The following ZNF782 variants were observed in gnomAD, a reference collection of about 807,000 sequenced individuals.
The protein encoded by ZNF782 is zinc finger protein 782.
Under a neutral mutation model 13.0 loss-of-function variants are expected in ZNF782, and 12 were observed. The ratio of observed to expected loss-of-function variants is 0.92; its 90% CI spans 0.59 to 1.50. ZNF782 has a LOEUF of 1.50. Ranked by LOEUF, ZNF782 falls within the 40% of genes most tolerant of loss-of-function variation. The pLI is 0.00. For missense variants in ZNF782, 770 were observed against 822.9 expected (o/e 0.94, Z 0.79); for synonymous variants, 284 against 283.0 (o/e 1.00, Z -0.04).
the ZNF782 span, among the ~76,000 whole-genome samples, chr9:96,925,844 C>A: frequency 6.7e-6 from 1 of 148,846 alleles, no homozygotes; most frequent in African/African-American, 2.5e-5. Flanking sequence ...AGCATGGAGC[C>A]GCCATTCCTC....
At chr9:96,932,581 G>C in the ZNF782 span, among the ~76,000 whole-genome samples, 1 of 152,244 alleles carries the variant, frequency 6.6e-6, no homozygotes, top group Non-Finnish European at 1.5e-5. Context: ...ATCTGGCTGT[G>C]GCTCAGGACA....
upstream of ZNF782, among the ~76,000 whole-genome samples, chr9:96,879,663 C>T (rs1474208984): frequency 1.3e-5 from 2 of 152,094 alleles, no homozygotes; most frequent in Non-Finnish European, 2.9e-5. Flanking sequence ...GTTACCAGAG[C>T]CTGGCAAAAA....
chr9:96,855,570 G>T (rs1200053619), upstream of ZNF782, among the ~76,000 whole-genome samples: 1 of 152,146 alleles, frequency 6.6e-6, no homozygotes, highest in Non-Finnish European at 1.5e-5. Context: ...CATTCAGGTC[G>T]CTGCAAATGC....
At chr9:96,911,645 C>G in the ZNF782 span, among the ~76,000 whole-genome samples, 16 of 150,494 alleles carry the variant, frequency 1.1e-4, no homozygotes, top group African/African-American at 3.6e-4. Flanking sequence ...CTCAGCCTCC[C>G]CAGTAGCTGG....
intron 4 of ZNF782, among the ~76,000 whole-genome samples, chr9:96,829,066 C>T (rs1422372122): frequency 3.5e-5 from 3 of 85,912 alleles, no homozygotes; most frequent in African/African-American, 9.3e-5. Flanking sequence ...TTATACTTGG[C>T]AAAGATAAGA....
rs1043031209 is a variant in ZNF782 at position 96,850,225 on chromosome 9, A to T, written c.15+1722T>A. Among the ~76,000 whole-genome samples, 1 of 152,240 alleles carries T rather than the reference A, an allele frequency of 6.6e-6. No homozygotes were observed. The highest frequency in any genetic ancestry group is 1.5e-5 in the Non-Finnish European group (1 of 68,034). On this transcript the variant is annotated intron_variant, in intron 3 of 5. Coordinates refer to ENST00000481138, the MANE Select transcript of ZNF782 (RefSeq NM_001001662.3). The surrounding 1 kb of genome is among the most constrained non-coding windows in gnomAD (Gnocchi z 4.3). ...ACCAGCACACGTTTGTAGCAGCACGATTCACAATTGCAAAGATGTGGAACC... is the reference window on the plus strand; with the variant it reads ...ACCAGCACACGTTTGTAGCAGCACGTTTCACAATTGCAAAGATGTGGAACC...
the ZNF782 span, among the ~76,000 whole-genome samples, chr9:96,911,515 TG>T: frequency 6.2e-5 from 9 of 145,606 alleles, no homozygotes; most frequent in South Asian, 4.3e-4. Context: ...TTTTTGTTTT[TG>T]TTTTGTTTTG....
chr9:96,818,330 T>A lies in ZNF782; in HGVS notation c.1693A>T (p.Asn565Tyr). The A allele has an allele frequency of 1.2e-6, 2 of 1,614,104 alleles. No individual in the cohort carries two copies. The highest frequency in any genetic ancestry group is 1.7e-6 in the Non-Finnish European group (2 of 1,180,004). Residue 565 changes from asparagine to tyrosine, a missense_variant, in exon 6 of 6, where the codon AAT (asparagine) becomes TAT (tyrosine). Transcript: ENST00000481138. Reference protein sequence around the residue: ...IHTGEKPYKCNHCGEAFSQKS... With the variant: ...IHTGEKPYKCYHCGEAFSQKS... The stretch of plus-strand genomic sequence containing the variant: ...TGACTGAAAGCTTCCCCACAATGAT[T>A]ACATTTATAGGGTTTTTCCCCTGTG...
upstream of ZNF782, among the ~76,000 whole-genome samples, chr9:96,878,411 C>T (rs7038490): frequency 0.08 from 12,149 of 152,210 alleles, 1,486 homozygotes; most frequent in African/African-American, 0.27. Flanking sequence ...TTAGACACTG[C>T]AAATTTGATT....
chr9:96,933,176 C>T, the ZNF782 span, among the ~76,000 whole-genome samples: 3 of 148,754 alleles, frequency 2.0e-5, no homozygotes, highest in African/African-American at 7.4e-5. Flanking sequence ...GACGGGGTTT[C>T]ACCATGTTAG....
the ZNF782 span, among the ~76,000 whole-genome samples, chr9:96,915,211 A>G: frequency 8.4e-4 from 128 of 152,224 alleles, no homozygotes; most frequent in Admixed American, 2.6e-3. Context: ...TAGAATCATA[A>G]GAACAGTAGA....
chr9:96,888,677 C>T, the ZNF782 span: 1 of 152,252 alleles, frequency 6.6e-6, no homozygotes, highest in Non-Finnish European at 1.5e-5. Flanking sequence ...CTAGTCTGGA[C>T]TTTGTGTCTG....
In ZNF782 at chr9:96,865,349, G is replaced by T. The variant is rs569191700; in HGVS notation, c.-456-3746C>A. On this transcript the variant is annotated intron_variant, in intron 1 of 5. Coordinates refer to the ZNF782 transcript ENST00000498811. ...CAGGTCTTTCCTGTGTTGTTCTCATGATAGTGAATAAGTCTCATGAGATCT... is the reference window on the plus strand; with the variant it reads ...CAGGTCTTTCCTGTGTTGTTCTCATTATAGTGAATAAGTCTCATGAGATCT... Among the ~76,000 whole-genome samples the T allele has an allele frequency of 2.0e-5, 3 of 152,122 alleles. No individual in the cohort carries two copies. In the South Asian group the frequency reaches 6.3e-4, roughly 32 times the overall value.
chr9:96,880,955 C>A, the ZNF782 span, among the ~76,000 whole-genome samples: 1 of 152,088 alleles, frequency 6.6e-6, no homozygotes, highest in African/African-American at 2.4e-5. Flanking sequence ...AATTCCATTT[C>A]TTTAATATAA....
chr9:96,912,353 C>T, the ZNF782 span, among the ~76,000 whole-genome samples: 4,050 of 147,774 alleles, frequency 0.027, 133 homozygotes, highest in African/African-American at 0.093. Flanking sequence ...GGCGAAACCC[C>T]GTCTCTACTA....
the ZNF782 span, among the ~76,000 whole-genome samples, chr9:96,917,566 G>A: frequency 1.3e-5 from 2 of 151,506 alleles, no homozygotes; most frequent in Admixed American, 1.3e-4. Context: ...CAAGTAGCTG[G>A]GATTACAGGC....
chr9:96,902,426 A>AC, the ZNF782 span, among the ~76,000 whole-genome samples: 1 of 136,056 alleles, frequency 7.3e-6, no homozygotes, highest in Non-Finnish European at 1.5e-5. Context: ...CATCTCAAAA[A>AC]AAAAAAAAAA....
At chr9:96,914,945 T>A in the ZNF782 span, among the ~76,000 whole-genome samples, 5 of 149,208 alleles carry the variant, frequency 3.4e-5, no homozygotes, top group Non-Finnish European at 7.4e-5. Flanking sequence ...GGGCATGGGG[T>A]CCTGAGAGAC....
At chr9:96,896,246 G>A in the ZNF782 span, among the ~76,000 whole-genome samples, 1 of 152,106 alleles carries the variant, frequency 6.6e-6, no homozygotes, top group Non-Finnish European at 1.5e-5. Context: ...AAACAGTTTG[G>A]TTTCAGGTGG....
Sources: allele counts gnomAD v4.1 joint callset (sites outside exome capture counted in the v4.1 genomes callset), GRCh38; gene constraint gnomAD v4.1.1; non-coding constraint Gnocchi (gnomAD v3.1); transcripts MANE v1.5; gene names NCBI Gene and HGNC (gene_info 2026-07-23, HGNC 2026-07-21).